The following RALGDS variants were observed in gnomAD, a reference collection of about 807,000 sequenced individuals.
RALGDS encodes ral guanine nucleotide exchange factor.
Under a neutral mutation model 99.8 loss-of-function variants are expected in RALGDS, and 44 were observed. That is an observed-to-expected ratio of 0.44 (90% CI 0.35 to 0.57). The LOEUF is 0.57. Ranked by LOEUF, RALGDS falls within the 20% of genes least tolerant of loss-of-function variation. RALGDS has a pLI of 0.01. For synonymous variants in RALGDS, 529 were observed against 505.0 expected (o/e 1.05, Z -0.64); for missense variants, 1,022 against 1,203.1 (o/e 0.85, Z 2.23).
intron 1 of RALGDS, among the ~76,000 whole-genome samples, chr9:133,142,837 G>A (rs10125348): frequency 0.54 from 81,627 of 152,110 alleles, 22,599 homozygotes; most frequent in Non-Finnish European, 0.62. Flanking sequence ...CCCAGCAGCC[G>A]GGCCCAGCCC....
rs544162125 is a variant in RALGDS at position 133,101,564 on chromosome 9, C to T, written c.2410G>A (p.Val804Ile). Residue 804 changes from valine to isoleucine, a missense_variant, in exon 16 of 18, where the codon GTC becomes ATC. Transcript: ENST00000372050. Reference sequence around the variant, plus strand: ...TTGCCATTGTCCACGTCCAGGCTGACGCGGATGATACAGCAGTCGCCCACC... The same window carrying T: ...TTGCCATTGTCCACGTCCAGGCTGATGCGGATGATACAGCAGTCGCCCACC... Reference protein sequence around the residue: ...QQVGDCCIIRVSLDVDNGNMY... With the variant: ...QQVGDCCIIRISLDVDNGNMY... The T allele has an allele frequency of 9.9e-6, 16 of 1,612,474 alleles. No individual in the cohort carries two copies. The highest frequency in any genetic ancestry group is 6.7e-5 in the African/African-American group (5 of 75,072).
Position 133,102,020 on chromosome 9 carries a change from T to A in RALGDS, c.2129A>T (p.His710Leu), listed in dbSNP as rs758059159. The A allele has an allele frequency of 4.0e-5, 62 of 1,553,842 alleles. No individual in the cohort carries two copies. Among genetic ancestry groups the A allele is most frequent in the Admixed American group, 7.8e-5 (4 of 51,196 alleles). ...GTCGGAGCTAGAGGAGCCGGCCGAG[T>A]GCACGCTGAGCGCGTCAGCGATGTC... ...SGDIADALSV[H>L]SAGSSSSDVE... The change falls in exon 15 of 18, where the codon CAC becomes CTC. Residue 710 changes from histidine to leucine, a missense_variant. By Grantham distance (99) the His-to-Leu change is moderately conservative. Transcript: ENST00000372050.
At chr9:133,105,839 CCCCGCCCCAGCCCCCGCCCCAGCCCCAG>C in intron 9 of RALGDS, 65 bp downstream of exon 9, 1 of 79,820 alleles carries the variant, frequency 1.3e-5, no homozygotes, top group Non-Finnish European at 2.6e-5. Context: ...CCGCCCCAGC[CCCCGCCCCAGCCCCCGCCCCAGCCCCAG>C]CCCCCGCCCC....
At chr9:133,127,655 C>G (rs528612328) in intron 1 of RALGDS, among the ~76,000 whole-genome samples, 175 of 152,336 alleles carry the variant, frequency 1.1e-3, no homozygotes, top group African/African-American at 4.0e-3. Flanking sequence ...GCACAGCGGG[C>G]GGGCCTGGCT....
chr9:133,121,361 C>G (rs1478276196), upstream of RALGDS: 1 of 374,430 alleles, frequency 2.7e-6, no homozygotes, highest in African/African-American at 2.2e-5. Context: ...CGCGCGCCCG[C>G]GGCCCCGCCC....
At chr9:133,148,863 G>A (rs1832668858) in intron 1 of RALGDS, 6 of 1,445,916 alleles carry the variant, frequency 4.1e-6, no homozygotes, top group African/African-American at 2.8e-5. Context: ...CACGCTCAGC[G>A]TGGACGCGGC....
At chr9:133,109,120 G>A (rs545382970) in intron 4 of RALGDS, among the ~76,000 whole-genome samples, 1 of 152,216 alleles carries the variant, frequency 6.6e-6, no homozygotes, top group African/African-American at 2.4e-5. Context: ...ATGAGGGATC[G>A]GTCCTCCTGC....
intron 1 of RALGDS, among the ~76,000 whole-genome samples, chr9:133,145,339 C>T (rs1190269723): frequency 1.3e-5 from 2 of 152,176 alleles, no homozygotes; most frequent in African/African-American, 4.8e-5. Flanking sequence ...CAGATGAGCA[C>T]TTCCCCTTCC....
Position 133,109,055 on chromosome 9 carries a change from C to T in RALGDS, c.585-189G>A, listed in dbSNP as rs141984081. On this transcript the variant is annotated intron_variant, in intron 4 of 17. Transcript: ENST00000372050. Reference sequence around the variant, plus strand: ...CCTCTCCCCTCCTCCAAGGAAGCCCCGCCCACAGCTCTGCATGTCTCCCAG... The same window carrying T: ...CCTCTCCCCTCCTCCAAGGAAGCCCTGCCCACAGCTCTGCATGTCTCCCAG... Among the ~76,000 whole-genome samples the T allele has an allele frequency of 6.4e-3, 976 of 152,274 alleles. 9 individuals are homozygous for T. The highest frequency in any genetic ancestry group is 0.022 in the African/African-American group (903 of 41,572).
chr9:133,122,934 C>T (rs1831999525), upstream of RALGDS, among the ~76,000 whole-genome samples: 1 of 152,156 alleles, frequency 6.6e-6, no homozygotes, highest in Non-Finnish European at 1.5e-5. Flanking sequence ...GAACTCCTGA[C>T]CTCAAGTGAA....
At chr9:133,134,116 G>A (rs1026360321), upstream of RALGDS, among the ~76,000 whole-genome samples, 2 of 152,172 alleles carry the variant, frequency 1.3e-5, no homozygotes, top group South Asian at 2.1e-4. Context: ...CTGAGGCCCC[G>A]TCAAGTCGCT....
At chr9:133,103,096 G>A in intron 12 of RALGDS, 134 bp downstream of exon 12, 3 of 1,405,908 alleles carry the variant, frequency 2.1e-6, no homozygotes, top group South Asian at 2.4e-5. Context: ...TCCAGTGGGA[G>A]GGGACCCCCT....
rs1455120280 is a variant in RALGDS at position 133,098,630 on chromosome 9, C to A, written c.2702G>T (p.Arg901Leu). ...AATCTTGAGTCCTTTCTGCTTCATGCGAGGGAGGGTGGAGCTGGCTCCGTG... is the reference window on the plus strand; with the variant it reads ...AATCTTGAGTCCTTTCTGCTTCATGAGAGGGAGGGTGGAGCTGGCTCCGTG... ...VKHGASSTLP[R>L]MKQKGLKIAK... The change falls in exon 18 of 18, where the codon CGC (arginine) becomes CTC (leucine). Residue 901 changes from arginine (R) to leucine (L), a missense_variant. Transcript: ENST00000372050. 23 of 1,614,028 alleles carry A rather than the reference C, an allele frequency of 1.4e-5. No individual in the cohort carries two copies. The highest frequency in any genetic ancestry group is 5.0e-5 in the Admixed American group (3 of 60,010).
intron 1 of RALGDS, among the ~76,000 whole-genome samples, chr9:133,113,898 C>T (rs1205854627): frequency 1.3e-5 from 2 of 152,326 alleles, no homozygotes; most frequent in East Asian, 1.9e-4. Context: ...AAGCCCGCCA[C>T]AGGGGACTAA....
upstream of RALGDS, among the ~76,000 whole-genome samples, chr9:133,122,119 C>CTT (rs1490898110): frequency 6.6e-6 from 1 of 152,198 alleles, no homozygotes; most frequent in African/African-American, 2.4e-5. Context: ...GCTGGGGCTG[C>CTT]TTGTGGCTTG....
At chr9:133,116,986 C>T (rs1403672032) in intron 1 of RALGDS, among the ~76,000 whole-genome samples, 1 of 152,218 alleles carries the variant, frequency 6.6e-6, no homozygotes, top group Non-Finnish European at 1.5e-5. Context: ...GGTGGCAGGG[C>T]CAGCTTTCTA....
At chr9:133,145,485 T>C (rs1832608454) in intron 1 of RALGDS, among the ~76,000 whole-genome samples, 1 of 148,156 alleles carries the variant, frequency 6.7e-6, no homozygotes, top group East Asian at 1.9e-4. Flanking sequence ...TAAAAATCTG[T>C]ATGTTCGTCA....
intron 8 of RALGDS, 50 bp downstream of exon 8, chr9:133,106,595 C>T (rs776216076): frequency 1.4e-6 from 2 of 1,410,034 alleles, no homozygotes; most frequent in Admixed American, 1.9e-5. Context: ...TGATGCCAGC[C>T]CTGTGGGAGG....
chr9:133,130,463 G>A (rs1206448399), intron 1 of RALGDS, among the ~76,000 whole-genome samples: 1 of 152,074 alleles, frequency 6.6e-6, no homozygotes, highest in Non-Finnish European at 1.5e-5. Flanking sequence ...CCAATGGTTT[G>A]TTTCATTAAG....
Sources: allele counts gnomAD v4.1 joint callset (sites outside exome capture counted in the v4.1 genomes callset), GRCh38; gene constraint gnomAD v4.1.1; transcripts MANE v1.5; gene names NCBI Gene and HGNC (gene_info 2026-07-23, HGNC 2026-07-21).